The following SASS6 variants were observed in gnomAD, a reference collection of about 807,000 sequenced individuals.
SASS6 encodes spindle assembly abnormal protein 6 homolog.
SASS6 carries 59 observed loss-of-function variants against 94.9 expected under a neutral mutation model. The ratio of observed to expected loss-of-function variants is 0.62; its 90% confidence interval spans 0.50 to 0.77. The LOEUF is 0.77. SASS6 is among the 30% of genes least tolerant of loss of function. SASS6 has a pLI of 0.00. For missense variants in SASS6, 698 were observed against 734.1 expected (o/e 0.95, Z 0.57); for synonymous variants, 264 against 270.0 (o/e 0.98, Z 0.22).
At chr1:100,101,823 T>G (rs780074588) in intron 14 of SASS6, among the ~76,000 whole-genome samples, 5 of 152,198 alleles carry the variant, frequency 3.3e-5, no homozygotes, top group Non-Finnish European at 7.4e-5. Flanking sequence ...CTGAGAATTC[T>G]CCATAGCTAC....
chr1:100,132,714 C>G, intron 1 of SASS6, 36 bp downstream of exon 1: 4 of 1,581,550 alleles, frequency 2.5e-6, no homozygotes, highest in South Asian at 1.1e-5. Context: ...CTGACCCCAA[C>G]CGCCACCCGC....
chr1:100,111,905 A>G (rs1653363143), intron 7 of SASS6, among the ~76,000 whole-genome samples: 5 of 152,096 alleles, frequency 3.3e-5, no homozygotes, highest in Admixed American at 2.6e-4. Flanking sequence ...GACACTAAAG[A>G]CAATAGAGGC....
intron 7 of SASS6, among the ~76,000 whole-genome samples, chr1:100,113,383 C>T (rs542227672): frequency 8.6e-5 from 13 of 151,670 alleles, no homozygotes; most frequent in Admixed American, 2.6e-4. Flanking sequence ...CTGAGGCGGG[C>T]GGATCACGAG....
chr1:100,103,161 A>G, intron 13 of SASS6, 78 bp from the exon 14 acceptor site: 1 of 857,898 alleles, frequency 1.2e-6, no homozygotes, highest in South Asian at 1.7e-5. Context: ...TGGCATTAGC[A>G]TCTGTTATAA....
intron 7 of SASS6, among the ~76,000 whole-genome samples, chr1:100,111,865 TA>T (rs1312290232): frequency 6.6e-6 from 1 of 152,052 alleles, no homozygotes; most frequent in Non-Finnish European, 1.5e-5. Flanking sequence ...GTAAAGATGC[TA>T]ACTGTAACTG....
In SASS6 at chr1:100,119,048, T is replaced by C; in HGVS notation, c.639A>G (p.Glu213=). Reference sequence around the variant, plus strand: ...AGGCTTTTTCCTTTTCATTTGTCAGTTCCTGAGAATGCTTGTTTGTCAAGG... The same window carrying C: ...AGGCTTTTTCCTTTTCATTTGTCAGCTCCTGAGAATGCTTGTTTGTCAAGG... ...TAALTNKHSQ[E]LTNEKEKALQ... is the part of the protein sequence containing the mutation. Residue 213 remains glutamate, a synonymous_variant, in exon 7 of 17, where the codon GAA becomes GAG. Coordinates refer to ENST00000287482, the MANE Select transcript of SASS6 (RefSeq NM_194292.3). 2 of 1,591,048 alleles carry C rather than the reference T, an allele frequency of 1.3e-6. No individual in the cohort carries two copies. The highest frequency in any genetic ancestry group is 1.3e-5 in the African/African-American group (1 of 74,724).
chr1:100,116,093 T>G (rs1653782970), intron 7 of SASS6, among the ~76,000 whole-genome samples: 1 of 151,994 alleles, frequency 6.6e-6, no homozygotes, highest in African/African-American at 2.4e-5. Flanking sequence ...ACATTCAAAT[T>G]AAAAAAACTA....
intron 14 of SASS6, among the ~76,000 whole-genome samples, chr1:100,088,958 GAAGAAAAAT>G (rs1440879112): frequency 6.6e-6 from 1 of 151,820 alleles, no homozygotes; most frequent in Non-Finnish European, 1.5e-5. Context: ...GTCATACTCA[GAAGAAAAAT>G]TAGCCAACAG....
intron 15 of SASS6, 48 bp downstream of exon 15, chr1:100,088,091 T>A (rs375229473): frequency 2.1e-6 from 2 of 962,640 alleles, no homozygotes; most frequent in Non-Finnish European, 3.4e-6. Context: ...TTCTGTAAGA[T>A]GGCCTTCAAA....
chr1:100,120,407 T>A lies in SASS6; in HGVS notation c.536A>T (p.Asp179Val). 1 of 1,523,310 alleles carries A rather than the reference T, an allele frequency of 6.6e-7. No individual in the cohort carries two copies. The allele number at this position is 1,523,310 out of a possible 1,614,324, so 94.4% of individuals were successfully genotyped here. A position where few individuals can be genotyped will look rare whatever the true frequency, so the allele number is the denominator to read the frequency against. ...AATTTGAATTACCTTTCGTGTAAAGTCCAGTTGCTTAGTAGCATCATCTAG... is the reference window on the plus strand; with the variant it reads ...AATTTGAATTACCTTTCGTGTAAAGACCAGTTGCTTAGTAGCATCATCTAG... ...QSLDDATKQLDFTRKTLAEKK... is the reference protein window; with the variant it reads ...QSLDDATKQLVFTRKTLAEKK... The change falls in exon 6 of 17, where the codon GAC becomes GTC. Residue 179 changes from aspartate to valine, a missense_variant. Asp to Val is a radical substitution (Grantham distance 152). Transcript: ENST00000287482.
intron 1 of SASS6, among the ~76,000 whole-genome samples, chr1:100,126,883 C>T (rs975152904): frequency 2.0e-5 from 3 of 152,118 alleles, no homozygotes; most frequent in Non-Finnish European, 2.9e-5. Flanking sequence ...CATACAAAAA[C>T]GTATTTTCAC....
chr1:100,106,853 C>CA, intron 12 of SASS6, 59 bp downstream of exon 12: 4 of 785,708 alleles, frequency 5.1e-6, no homozygotes, highest in African/African-American at 3.5e-5. Flanking sequence ...GACCGTGTCT[C>CA]AAAAAAATAA....
intron 7 of SASS6, among the ~76,000 whole-genome samples, chr1:100,114,366 C>T (rs1033425115): frequency 6.6e-6 from 1 of 151,790 alleles, no homozygotes; most frequent in Admixed American, 6.6e-5. Context: ...CAATCTCAGA[C>T]CAATGTCACT....
intron 1 of SASS6, among the ~76,000 whole-genome samples, chr1:100,129,607 T>C (rs545060053): frequency 6.6e-6 from 1 of 152,282 alleles, no homozygotes; most frequent in Admixed American, 6.5e-5. Flanking sequence ...TCATTTCAAC[T>C]TAGGCAACTT....
chr1:100,125,669 C>CAAAAAAAAAAA (rs11299065), intron 2 of SASS6, among the ~76,000 whole-genome samples: 2 of 80,338 alleles, frequency 2.5e-5, no homozygotes, highest in African/African-American at 4.3e-5. Context: ...GACTCCATCT[C>CAAAAAAAAAAA]AAAAAAAAAA....
intron 7 of SASS6, 93 bp downstream of exon 7, chr1:100,118,925 G>C: frequency 1.1e-6 from 1 of 884,712 alleles, no homozygotes; most frequent in East Asian, 2.8e-5. Context: ...GTAACGTTTG[G>C]AAAATTTAAA....
chr1:100,108,078 A>T, intron 8 of SASS6, 74 bp from the exon 9 acceptor site: 1 of 795,386 alleles, frequency 1.3e-6, no homozygotes, highest in Admixed American at 3.0e-5. Flanking sequence ...TATAATTAAG[A>T]TGTCTAACAT....
chr1:100,119,988 G>A (rs1455080167), intron 6 of SASS6, among the ~76,000 whole-genome samples: 1 of 152,188 alleles, frequency 6.6e-6, no homozygotes, highest in Non-Finnish European at 1.5e-5. Context: ...AGCTATGACT[G>A]AAATGATGCT....
At chr1:100,119,623 T>C (rs759094953) in intron 6 of SASS6, among the ~76,000 whole-genome samples, 10 of 152,274 alleles carry the variant, frequency 6.6e-5, no homozygotes, top group Non-Finnish European at 1.5e-4. Context: ...TGGTAGGTGA[T>C]TGGATCATGG....
Sources: allele counts gnomAD v4.1 joint callset (sites outside exome capture counted in the v4.1 genomes callset), GRCh38; gene constraint gnomAD v4.1.1; transcripts MANE v1.5; gene names NCBI Gene and HGNC (gene_info 2026-07-23, HGNC 2026-07-21).